Variants in RYR3 observed in about 807,000 individuals in gnomAD.
RYR3 encodes the protein ryanodine receptor 3.
Under a neutral mutation model 584.3 loss-of-function variants are expected in RYR3, and 207 were observed. The observed-to-expected ratio is 0.35, with a 90% CI of 0.32 to 0.40. The LOEUF (loss-of-function observed/expected upper bound fraction) is 0.40. Ranked by LOEUF, RYR3 falls within the 10% of genes least tolerant of loss-of-function variation. The pLI, the probability that RYR3 is intolerant of heterozygous loss-of-function variation, is 1.00. For synonymous variants in RYR3, 2,416 were observed against 2,248.5 expected (o/e 1.07, Z -2.11); for missense variants, 5,616 against 6,089.2 (o/e 0.92, Z 2.59).
chr15:33,632,888 A>G, intron 23 of RYR3, 61 bp from the exon 24 acceptor site: 1 of 1,480,958 alleles, frequency 6.8e-7, no homozygotes, highest in Middle Eastern at 1.8e-4. Context: ...TTGGTCTAAA[A>G]TCCGGAATGA....
intron 37 of RYR3, among the ~76,000 whole-genome samples, chr15:33,669,853 G>GT (rs761814189): frequency 2.5e-5 from 1 of 40,144 alleles, no homozygotes; most frequent in East Asian, 7.9e-4. Flanking sequence ...TGGGGGGGGG[G>GT]GGGGGTGTGG....
chr15:33,734,818 T>C (rs1263876144), intron 48 of RYR3, among the ~76,000 whole-genome samples: 2 of 151,458 alleles, frequency 1.3e-5, no homozygotes, highest in Non-Finnish European at 1.5e-5. Flanking sequence ...GCCTCCTAAG[T>C]AGCTGGGACT....
intron 1 of RYR3, among the ~76,000 whole-genome samples, chr15:33,422,095 ACTC>A (rs2044280545): frequency 6.6e-6 from 1 of 151,860 alleles, no homozygotes; most frequent in Non-Finnish European, 1.5e-5. Flanking sequence ...TTTTCAATAA[ACTC>A]CTTCCCACTT....
rs138590931 is a variant in RYR3 at position 33,623,272 on chromosome 15, C to T, written c.2358-535C>T. Among the ~76,000 whole-genome samples the T allele has an allele frequency of 9.8e-5, 15 of 152,338 alleles. No homozygotes were observed. In the East Asian group the frequency reaches 2.5e-3, roughly 25 times the overall value. The stretch of plus-strand genomic sequence containing the variant: ...ACAGTGTAACATTTTTAAGTAACCT[C>T]GCCAGCCATGTACCATTTGTGATTA... On this transcript the variant is annotated intron_variant, in intron 19 of 103. Transcript: ENST00000634891.
chr15:33,710,914 C>T (rs1270967263), intron 43 of RYR3, among the ~76,000 whole-genome samples: 2 of 152,232 alleles, frequency 1.3e-5, no homozygotes, highest in African/African-American at 4.8e-5. Flanking sequence ...ATTCTTCCCT[C>T]CTAAGCCTCT....
intron 1 of RYR3, among the ~76,000 whole-genome samples, chr15:33,431,769 T>C (rs2045173233): frequency 6.6e-6 from 1 of 152,080 alleles, no homozygotes; most frequent in Admixed American, 6.5e-5. Context: ...ACAACAGAGA[T>C]AGAAGACGGA....
intron 1 of RYR3, among the ~76,000 whole-genome samples, chr15:33,466,961 G>A (rs1046433299): frequency 1.3e-5 from 2 of 152,142 alleles, no homozygotes; most frequent in Non-Finnish European, 2.9e-5. Context: ...ACAAGTAAAC[G>A]ACCTTGTCAT....
chr15:33,681,075 C>A (rs1002210209), intron 38 of RYR3, among the ~76,000 whole-genome samples: 1 of 152,180 alleles, frequency 6.6e-6, no homozygotes, highest in Admixed American at 6.5e-5. Context: ...TTCAGGCAGA[C>A]CTCAGTTACC....
At chr15:33,712,998 G>A (rs1438560304) in intron 43 of RYR3, among the ~76,000 whole-genome samples, 1 of 152,146 alleles carries the variant, frequency 6.6e-6, no homozygotes, top group South Asian at 2.1e-4. Context: ...TGATCTTTAC[G>A]AGAGTGGTAG....
chr15:33,505,659 T>C (rs1427014779), intron 3 of RYR3, among the ~76,000 whole-genome samples: 5 of 152,072 alleles, frequency 3.3e-5, no homozygotes, highest in African/African-American at 1.2e-4. Context: ...GCCCGGCTAA[T>C]TTTTTTGTAT....
intron 33 of RYR3, 44 bp downstream of exon 33, chr15:33,659,850 C>T: frequency 6.9e-6 from 9 of 1,296,916 alleles, no homozygotes; most frequent in Non-Finnish European, 8.9e-6. Context: ...CAAGAGAAAG[C>T]AGCACTAACC....
At chr15:33,318,813 C>G (rs1452174926) in intron 1 of RYR3, among the ~76,000 whole-genome samples, 1 of 152,148 alleles carries the variant, frequency 6.6e-6, no homozygotes, top group Non-Finnish European at 1.5e-5. Flanking sequence ...GATAAGGTGA[C>G]TCTACATCAA....
intron 1 of RYR3, among the ~76,000 whole-genome samples, chr15:33,327,354 A>T (rs1280961731): frequency 6.6e-6 from 1 of 152,190 alleles, no homozygotes; most frequent in Admixed American, 6.5e-5. Context: ...CCACGAATCC[A>T]TGGGACACAG....
Position 33,332,541 on chromosome 15 carries a change from C to T in RYR3, c.51+21445C>T, listed in dbSNP as rs141717123. On this transcript the variant is annotated intron_variant, in intron 1 of 103. Coordinates refer to ENST00000634891, the MANE Select transcript of RYR3 (RefSeq NM_001036.6). ...GAAATTATAAAAAGTGATCATGTAC[C>T]AGGCCAAGAATAACATTTCTAAAAA... is the stretch of plus-strand genomic sequence containing the variant. Among the ~76,000 whole-genome samples the T allele has an allele frequency of 5.0e-3, 764 of 151,910 alleles. 5 individuals are homozygous for T. Among genetic ancestry groups the T allele is most frequent in the African/African-American group, 0.018 (729 of 41,448 alleles).
intron 19 of RYR3, among the ~76,000 whole-genome samples, 181 bp downstream of exon 19, chr15:33,613,556 A>G (rs146827008): frequency 6.6e-6 from 1 of 152,190 alleles, no homozygotes; most frequent in Non-Finnish European, 1.5e-5. Flanking sequence ...TACTGGTAGA[A>G]CCTCCCCCAG....
intron 38 of RYR3, among the ~76,000 whole-genome samples, chr15:33,685,390 A>G (rs577077102): frequency 1.9e-4 from 29 of 152,330 alleles, no homozygotes; most frequent in African/African-American, 6.5e-4. Context: ...CAACAAGAAG[A>G]GCTAACTATC....
chr15:33,685,068 A>G (rs929935635), intron 38 of RYR3, among the ~76,000 whole-genome samples: 37 of 152,240 alleles, frequency 2.4e-4, no homozygotes, highest in Non-Finnish European at 5.0e-4. Flanking sequence ...TAACATCATA[A>G]TGACAGGATC....
rs970579535 is a variant in RYR3 at position 33,763,355 on chromosome 15, T to C, written c.8706-5303T>C. Reference sequence around the variant, plus strand: ...CAACCTACAGAATGGGAGAAAATTTTTGCAATCTATCTGTCTGACAAAGGG... The same window carrying C: ...CAACCTACAGAATGGGAGAAAATTTCTGCAATCTATCTGTCTGACAAAGGG... On this transcript the variant is annotated intron_variant, in intron 60 of 103. Coordinates refer to ENST00000634891, the MANE Select transcript of RYR3 (RefSeq NM_001036.6). Among the ~76,000 whole-genome samples the C allele has an allele frequency of 2.6e-5, 4 of 152,038 alleles. No homozygotes were observed. The East Asian group carries it at 5.8e-4, about 22-fold the overall frequency.
chr15:33,633,213 G>A, intron 24 of RYR3, 105 bp downstream of exon 24: 2 of 1,170,622 alleles, frequency 1.7e-6, no homozygotes, highest in Non-Finnish European at 2.4e-6. Context: ...GTTTGCCTTT[G>A]CACTCTATCC....
Sources: gnomAD v4.1 joint callset for allele counts (sites outside exome capture counted in the v4.1 genomes callset) on GRCh38, gnomAD v4.1.1 for gene constraint, MANE v1.5 for transcripts, NCBI Gene and HGNC (gene_info 2026-07-23, HGNC 2026-07-21) for gene names.